Variants in PLEKHG4B observed in about 807,000 individuals in gnomAD.
The protein encoded by PLEKHG4B is pleckstrin homology domain-containing family G member 4B.
In PLEKHG4B, 111 loss-of-function variants were observed where a neutral mutation model predicts 121.3. The ratio of observed to expected loss-of-function variants is 0.92; its 90% CI spans 0.78 to 1.07. The LOEUF (loss-of-function observed/expected upper bound fraction) is 1.07, where lower values mean the gene tolerates loss of function less well. Ranked by LOEUF, PLEKHG4B falls within the 50% of genes least tolerant of loss-of-function variation. The pLI is 0.00. For missense variants in PLEKHG4B, 1,831 were observed against 1,757.8 expected (o/e 1.04, Z -0.74); for synonymous variants, 738 against 725.0 (o/e 1.02, Z -0.29).
rs750021350 is a variant in PLEKHG4B, at chr5:173,038, G to A, written c.4192G>A (p.Asp1398Asn). 10 of 1,613,970 alleles carry A rather than the reference G, an allele frequency of 6.2e-6. No homozygotes were observed. The highest frequency in any genetic ancestry group is 1.3e-5 in the African/African-American group (1 of 74,902). Residue 1398 changes from aspartate (D) to asparagine (N), a missense_variant, in exon 17 of 20, where the codon GAC becomes AAC. Physicochemically the swap from Asp to Asn is conservative, Grantham distance 23. Transcript: ENST00000637938. ...SKTQKVEGSH[D>N]VYLYKQSFKT... ...GACCCAGAAGGTGGAGGGCAGCCAC[G>A]ACGTCTACCTGTACAAGCAGTCCTT... is the stretch of plus-strand genomic sequence containing the variant.
At chr5:110,834 AG>A (rs1260796820) in intron 1 of PLEKHG4B, among the ~76,000 whole-genome samples, 1 of 152,276 alleles carries the variant, frequency 6.6e-6, no homozygotes, top group Non-Finnish European at 1.5e-5. Flanking sequence ...GTAAACTGGA[AG>A]GCCCTCGGGT....
At chr5:164,740 G>GA in intron 13 of PLEKHG4B, among the ~76,000 whole-genome samples, 1 of 132,564 alleles carries the variant, frequency 7.5e-6, no homozygotes, top group Non-Finnish European at 1.6e-5. Flanking sequence ...ACTCTGACGG[G>GA]GCGGGGCTCA....
chr5:170,974 G>A lies in PLEKHG4B; in HGVS notation c.3730-69G>A, dbSNP rs539591490. ...ACGGGAGCAGTTCCAAGTCTGACCC[G>A]GGCTGCGGGAGCCTGCTGTCTCTGG... On this transcript the variant is annotated intron_variant, in intron 14 of 19. Coordinates refer to ENST00000637938, the MANE Select transcript of PLEKHG4B (RefSeq NM_052909.5). 4.6e-5 allele frequency: 61 copies of A among 1,327,822 alleles called. No individual in the cohort carries two copies. The East Asian group carries it at 9.0e-4, about 20-fold the overall frequency. The allele number at this position is 1,327,822 out of a possible 1,614,324, so 82.3% of individuals were successfully genotyped here.
chr5:111,961 G>A (rs1734172100), intron 1 of PLEKHG4B, among the ~76,000 whole-genome samples: 1 of 149,346 alleles, frequency 6.7e-6, no homozygotes, highest in Non-Finnish European at 1.5e-5. Flanking sequence ...GTGTGACCCT[G>A]GCCTGAGACG....
In PLEKHG4B at chr5:154,977, A is replaced by G. The variant is rs1470606475; in HGVS notation, c.2095A>G (p.Ile699Val). 2 of 1,612,902 alleles carry G rather than the reference A, an allele frequency of 1.2e-6. No homozygotes were observed. The highest frequency in any genetic ancestry group is 2.2e-5 in the South Asian group (2 of 91,078). ...CTTTCCCTACAGCCATGGTGACTGGATCTGCTTCCGTCAGGTAGGTTCAGC... is the reference window on the plus strand; with the variant it reads ...CTTTCCCTACAGCCATGGTGACTGGGTCTGCTTCCGTCAGGTAGGTTCAGC... ...GSFPYSHGDW[I>V]CFRQRLEHFA... The change falls in exon 8 of 20, where the codon ATC becomes GTC. Residue 699 changes from isoleucine (I) to valine (V), a missense_variant. By Grantham distance (29) the Ile-to-Val change is conservative. Coordinates refer to ENST00000637938, the MANE Select transcript of PLEKHG4B (RefSeq NM_052909.5).
chr5:174,704 G>C (rs1254669937), intron 18 of PLEKHG4B, among the ~76,000 whole-genome samples: 1 of 152,088 alleles, frequency 6.6e-6, no homozygotes, highest in Non-Finnish European at 1.5e-5. Flanking sequence ...CAGTTTGGTT[G>C]GCTGCAGTCA....
intron 1 of PLEKHG4B, among the ~76,000 whole-genome samples, chr5:106,311 G>A (rs1171234377): frequency 6.6e-6 from 1 of 152,206 alleles, no homozygotes; most frequent in African/African-American, 2.4e-5. Context: ...CATCTGGGCA[G>A]GTTGGAGTCT....
chr5:123,177 A>C (rs1006826728), intron 2 of PLEKHG4B, among the ~76,000 whole-genome samples: 3 of 152,204 alleles, frequency 2.0e-5, no homozygotes, highest in African/African-American at 4.8e-5. Flanking sequence ...TCAAAGTATC[A>C]ATAATTTTCT....
At chr5:98,881 G>T (rs1198445235) in intron 1 of PLEKHG4B, among the ~76,000 whole-genome samples, 1 of 129,924 alleles carries the variant, frequency 7.7e-6, no homozygotes, top group Non-Finnish European at 1.6e-5. Context: ...TGGGGACCGG[G>T]TGTGGTGTCT....
chr5:166,499 AATCTTCTGACGGGGCGGAG>A (rs1736350903), intron 13 of PLEKHG4B, among the ~76,000 whole-genome samples: 2 of 78,362 alleles, frequency 2.6e-5, no homozygotes, highest in Non-Finnish European at 5.8e-5. Context: ...GGCTCACAGT[AATCTTCTGACGGGGCGGAG>A]CTCACACTAA....
Position 163,234 on chromosome 5 carries a change from G to T in PLEKHG4B, c.3162G>T (p.Glu1054Asp). The stretch of plus-strand genomic sequence containing the variant: ...CAGGGGCCACCACGGCCCACCTGGA[G>T]GACAGCTCTGCCTGTTCCTCTGAGC... ...PGAGATTAHL[E>D]DSSACSSEPT... Residue 1054 changes from glutamate to aspartate, a missense_variant, in exon 13 of 20, where the codon GAG (glutamate) becomes GAT (aspartate). Transcript: ENST00000637938. The T allele has an allele frequency of 6.2e-7, 1 of 1,607,490 alleles. No individual in the cohort carries two copies. The highest frequency in any genetic ancestry group is 8.5e-7 in the Non-Finnish European group (1 of 1,177,280).
intron 18 of PLEKHG4B, among the ~76,000 whole-genome samples, chr5:174,714 A>G (rs1736698487): frequency 1.3e-5 from 2 of 152,110 alleles, no homozygotes; most frequent in Non-Finnish European, 2.9e-5. Context: ...GGCTGCAGTC[A>G]GCGTTTCTTT....
At chr5:99,174 A>G (rs57030784) in intron 1 of PLEKHG4B, among the ~76,000 whole-genome samples, 14 of 2,096 alleles carry the variant, frequency 6.7e-3, no homozygotes, top group African/African-American at 8.6e-3. Flanking sequence ...AAAAGTGTAT[A>G]TATATATATA....
intron 1 of PLEKHG4B, among the ~76,000 whole-genome samples, chr5:106,674 C>G (rs1422429991): frequency 6.6e-6 from 1 of 152,200 alleles, no homozygotes; most frequent in Non-Finnish European, 1.5e-5. Context: ...GAGTGGCTCC[C>G]CCTGCAGCAG....
intron 2 of PLEKHG4B, among the ~76,000 whole-genome samples, chr5:126,517 C>T: frequency 6.6e-6 from 1 of 151,926 alleles, no homozygotes; most frequent in African/African-American, 2.4e-5. Flanking sequence ...AAGTCTTTTC[C>T]AGGGACAGTT....
At chr5:143,821 G>A (rs1367628644) in intron 5 of PLEKHG4B, among the ~76,000 whole-genome samples, 2 of 152,208 alleles carry the variant, frequency 1.3e-5, no homozygotes, top group African/African-American at 4.8e-5. Context: ...TTTGAGTCAG[G>A]GTTCTCTTAT....
At chr5:121,257 G>A (rs10039270) in intron 2 of PLEKHG4B, among the ~76,000 whole-genome samples, 26,615 of 149,002 alleles carry the variant, frequency 0.18, 3,180 homozygotes, top group African/African-American at 0.35. Context: ...AAAAAAAAAA[G>A]AAAAAGAAAA....
At chr5:117,346 A>C (rs1734334916) in intron 2 of PLEKHG4B, among the ~76,000 whole-genome samples, 2 of 152,270 alleles carry the variant, frequency 1.3e-5, no homozygotes, top group South Asian at 4.1e-4. Context: ...CTGTTGTCAA[A>C]ATATGTGGTT....
intron 2 of PLEKHG4B, among the ~76,000 whole-genome samples, chr5:133,926 A>G (rs1394642523): frequency 6.8e-5 from 10 of 146,822 alleles, no homozygotes; most frequent in Admixed American, 6.1e-4. Flanking sequence ...ACACACGCAC[A>G]CACACACACA....
Sources: allele counts gnomAD v4.1 joint callset (sites outside exome capture counted in the v4.1 genomes callset), GRCh38; gene constraint gnomAD v4.1.1; transcripts MANE v1.5; gene names NCBI Gene and HGNC (gene_info 2026-07-23, HGNC 2026-07-21).